CUL9: variants seen among roughly 807,000 people sequenced by gnomAD.
CUL9 encodes cullin-9.
In CUL9, 79 loss-of-function variants were observed where a neutral mutation model predicts 272.6. The ratio of observed to expected loss-of-function variants is 0.29; its 90% CI spans 0.24 to 0.35. The LOEUF (loss-of-function observed/expected upper bound fraction) is 0.35. Among genes scored for constraint, CUL9 ranks in the 10% least tolerant of loss-of-function variants. CUL9 has a pLI of 1.00. For missense variants in CUL9, 2,532 were observed against 3,255.6 expected (o/e 0.78, Z 5.41); for synonymous variants, 1,186 against 1,286.5 (o/e 0.92, Z 1.67).
At position 43,205,277 on chromosome 6, in the gene CUL9, T is replaced by A. The variant is rs764168604; in HGVS notation, c.4647T>A (p.Phe1549Leu). Residue 1549 changes from phenylalanine (F) to leucine (L), a missense_variant, in exon 24 of 41, where the codon TTT (phenylalanine) becomes TTA (leucine). Phe to Leu is a conservative substitution (Grantham distance 22, BLOSUM62 0). Around this residue, in one of 3 missense-constraint regions of CUL9, gnomAD observed 2,218 missense variants for 2,788.6 expected, o/e 0.80. Transcript: ENST00000252050. ...CCTGCCCCCAGATGAGTGAGCAGTTTGCCAGGTACATTGACCAACAGATCC... is the reference window on the plus strand; with the variant it reads ...CCTGCCCCCAGATGAGTGAGCAGTTAGCCAGGTACATTGACCAACAGATCC... ...FLTAAHMSEQ[F>L]ARYIDQQIQG... is the part of the protein sequence containing the mutation. 1.2e-6 allele frequency: 2 copies of A among 1,613,784 alleles called. No homozygotes were observed. The highest frequency in any genetic ancestry group is 2.2e-5 in the South Asian group (2 of 91,088).
chr6:43,196,322 C>A, intron 10 of CUL9, 57 bp downstream of exon 10: 1 of 1,506,824 alleles, frequency 6.6e-7, no homozygotes, highest in South Asian at 1.2e-5. Flanking sequence ...CCCTGCTACT[C>A]CTGTGCTCCA....
intron 1 of CUL9, among the ~76,000 whole-genome samples, chr6:43,182,716 C>T (rs1772517120): frequency 6.6e-6 from 1 of 151,942 alleles, no homozygotes; most frequent in African/African-American, 2.4e-5. Context: ...CATCTTTCTC[C>T]CTCCTCTTCA....
intron 26 of CUL9, among the ~76,000 whole-genome samples, chr6:43,207,610 CTAT>C (rs1254386166): frequency 6.6e-6 from 1 of 151,854 alleles, no homozygotes; most frequent in Non-Finnish European, 1.5e-5. Flanking sequence ...TGTTAAATTT[CTAT>C]TATTATTTCT....
intron 24 of CUL9, among the ~76,000 whole-genome samples, 178 bp from the exon 25 acceptor site, chr6:43,205,829 C>CAA (rs752924474): frequency 2.5e-4 from 20 of 80,080 alleles, no homozygotes; most frequent in South Asian, 7.7e-4. Flanking sequence ...GACTCCGTCT[C>CAA]AAAAAAAAAA....
rs938600381 is a variant in CUL9, at chr6:43,218,366, G to A, written c.6282+1863G>A. ...CGAGTAGCTGGGACTATAGGCGCCC[G>A]CCACCGCGCCCGGCTAATTTTTTGC... is the stretch of plus-strand genomic sequence containing the variant. On this transcript the variant is annotated intron_variant, in intron 31 of 40. Transcript: ENST00000252050. The surrounding 1 kb of genome is among the most constrained non-coding windows in gnomAD (Gnocchi z 4.4). 6.6e-5 allele frequency among the ~76,000 whole-genome samples: 10 copies of A among 151,976 alleles called. No individual in the cohort carries two copies. The highest frequency in any genetic ancestry group is 1.9e-4 in the East Asian group (1 of 5,180).
intron 1 of CUL9, among the ~76,000 whole-genome samples, chr6:43,182,836 C>T (rs905410601): frequency 6.6e-6 from 1 of 152,180 alleles, no homozygotes; most frequent in African/African-American, 2.4e-5. Flanking sequence ...TTCCCTGTTG[C>T]CCCTGCACTG....
rs566173348 is a variant in CUL9 at position 43,199,502 on chromosome 6, G to A, written c.3156+131G>A. ...GGGCACTGGGATGGGTGTAGGAGGA[G>A]GAAGGGTAATGTAATCTAAGAATCT... On this transcript the variant is annotated intron_variant, in intron 13 of 40. Coordinates refer to ENST00000252050, the MANE Select transcript of CUL9 (RefSeq NM_015089.4). This position sits in a 1 kb window ranked among gnomAD's most constrained non-coding sequence, Gnocchi z 4.4. 2 of 670,678 alleles carry A rather than the reference G, an allele frequency of 3.0e-6. No individual in the cohort carries two copies. The highest frequency in any genetic ancestry group is 5.3e-5 in the East Asian group (2 of 37,766). 41.5% of individuals were successfully genotyped at this position (670,678 alleles called of 1,614,324 possible).
At chr6:43,182,764 A>G (rs1476587981) in intron 1 of CUL9, among the ~76,000 whole-genome samples, 1 of 151,518 alleles carries the variant, frequency 6.6e-6, no homozygotes, top group Non-Finnish European at 1.5e-5. Context: ...CCCCAACATG[A>G]CCCCTGCCCT....
intron 1 of CUL9, among the ~76,000 whole-genome samples, chr6:43,183,492 C>T (rs146362501): frequency 3.9e-5 from 6 of 152,280 alleles, no homozygotes; most frequent in Non-Finnish European, 5.9e-5. Context: ...CCTGCCCCTC[C>T]GCTATCCTAC....
Position 43,184,379 on chromosome 6 carries a change from A to C in CUL9, c.69A>C (p.Glu23Asp). Residue 23 changes from glutamate to aspartate, a missense_variant, in exon 2 of 41, where the codon GAA (glutamate) becomes GAC (aspartate). By Grantham distance (45) the Glu-to-Asp change is conservative. This residue lies in a region of CUL9 where 2,218 missense variants were observed against 2,788.6 expected (regional missense o/e 0.80). Transcript: ENST00000252050. The surrounding 1 kb of genome is among the most constrained non-coding windows in gnomAD (Gnocchi z 4.8). ...PLGPRLQAYPEELIRQRPGHD... is the reference protein window; with the variant it reads ...PLGPRLQAYPDELIRQRPGHD... ...GGCCTCGGCTGCAGGCATATCCTGA[A>C]GAACTCATTCGACAGAGGCCTGGGC... 1 of 1,609,508 alleles carries C rather than the reference A, an allele frequency of 6.2e-7. No individual in the cohort carries two copies. The highest frequency in any genetic ancestry group is 8.5e-7 in the Non-Finnish European group (1 of 1,177,010).
In CUL9 at chr6:43,200,066, C is replaced by T. The variant is rs752914976; in HGVS notation, c.3294C>T (p.Gly1098=). ...LDKHSAQLLL[G]CELRDLVTEC... ...AGCACTCAGCTCAGCTGCTGCTGGG[C>T]TGTGAGCTTCGGGACCTGGTGACAG... The change falls in exon 14 of 41, where the codon GGC becomes GGT. Residue 1098 remains glycine (G), a synonymous_variant. Transcript: ENST00000252050. The surrounding 1 kb of genome is among the most constrained non-coding windows in gnomAD (Gnocchi z 4.0). The T allele has an allele frequency of 1.2e-6, 2 of 1,614,232 alleles. No individual in the cohort carries two copies. Among genetic ancestry groups the T allele is most frequent in the Admixed American group, 1.7e-5 (1 of 60,022 alleles).
At chr6:43,183,493 G>T (rs191289259) in intron 1 of CUL9, among the ~76,000 whole-genome samples, 2 of 152,036 alleles carry the variant, frequency 1.3e-5, no homozygotes, top group Admixed American at 6.6e-5. Flanking sequence ...CTGCCCCTCC[G>T]CTATCCTACT....
chr6:43,216,629 C>G (rs1400676505), intron 31 of CUL9, 126 bp downstream of exon 31: 1 of 865,624 alleles, frequency 1.2e-6, no homozygotes, highest in Non-Finnish European at 1.8e-6. Flanking sequence ...TGGATTTAGT[C>G]TCTTAGTCCT....
At position 43,204,621 on chromosome 6, in the gene CUL9, C is replaced by G. The variant is rs888133643; in HGVS notation, c.4339+82C>G. On this transcript the variant is annotated intron_variant, in intron 21 of 40. Transcript: ENST00000252050. Reference sequence around the variant, plus strand: ...CCCTCCTCCCTGGGTCTTACTCTTGCTGCTTTGCTACCGGCCTTTCCAGGC... The same window carrying G: ...CCCTCCTCCCTGGGTCTTACTCTTGGTGCTTTGCTACCGGCCTTTCCAGGC... 1.1e-5 allele frequency: 18 copies of G among 1,589,578 alleles called. No individual in the cohort carries two copies. In the South Asian group the frequency reaches 1.7e-4, roughly 15 times the overall value.
intron 26 of CUL9, among the ~76,000 whole-genome samples, chr6:43,208,398 G>T (rs1421331650): frequency 6.6e-6 from 1 of 152,126 alleles, no homozygotes; most frequent in Non-Finnish European, 1.5e-5. Context: ...TAAAGACGAG[G>T]TTTCACCATG....
In CUL9 at chr6:43,199,722, T is replaced by A. The variant is rs1421404954; in HGVS notation, c.3157-207T>A. Among the ~76,000 whole-genome samples the A allele has an allele frequency of 6.6e-6, 1 of 152,188 alleles. No individual in the cohort carries two copies. The highest frequency in any genetic ancestry group is 2.4e-5 in the African/African-American group (1 of 41,456). ...GGGCAGGAAGCAGCCTGGAAAGCTGTGCCCAAGCTCTGTTCTGCCAACTCA... is the reference window on the plus strand; with the variant it reads ...GGGCAGGAAGCAGCCTGGAAAGCTGAGCCCAAGCTCTGTTCTGCCAACTCA... On this transcript the variant is annotated intron_variant, in intron 13 of 40. Coordinates refer to ENST00000252050, the MANE Select transcript of CUL9 (RefSeq NM_015089.4). This position sits in a 1 kb window ranked among gnomAD's most constrained non-coding sequence, Gnocchi z 4.4.
Position 43,199,137 on chromosome 6 carries a change from T to G in CUL9, c.3051-129T>G, listed in dbSNP as rs1200386044. The stretch of plus-strand genomic sequence containing the variant: ...TTTTAGTAGAGATGGGGTTTCTCCA[T>G]TTTGGTCAGGCTGGTCTCGAACTCC... On this transcript the variant is annotated intron_variant, in intron 12 of 40. Transcript: ENST00000252050. This position sits in a 1 kb window ranked among gnomAD's most constrained non-coding sequence, Gnocchi z 4.4. 4.9e-6 allele frequency: 4 copies of G among 811,588 alleles called. No homozygotes were observed. The highest frequency in any genetic ancestry group is 8.1e-6 in the Non-Finnish European group (4 of 494,146). 50.3% of individuals were successfully genotyped at this position (811,588 alleles called of 1,614,324 possible). A position where few individuals can be genotyped will look rare whatever the true frequency, so the allele number is the denominator to read the frequency against.
chr6:43,199,883 C>T lies in CUL9; in HGVS notation c.3157-46C>T. On this transcript the variant is annotated intron_variant, in intron 13 of 40. Coordinates refer to ENST00000252050, the MANE Select transcript of CUL9 (RefSeq NM_015089.4). The surrounding 1 kb of genome is among the most constrained non-coding windows in gnomAD (Gnocchi z 4.4). Reference sequence around the variant, plus strand: ...ACCCTCTCCTCAATCCTTACATGTCCTACCTCTTGTTTCCTGTAAATTAAT... The same window carrying T: ...ACCCTCTCCTCAATCCTTACATGTCTTACCTCTTGTTTCCTGTAAATTAAT... The T allele has an allele frequency of 6.8e-7, 1 of 1,473,300 alleles. No individual in the cohort carries two copies. Among genetic ancestry groups the T allele is most frequent in the Non-Finnish European group, 9.5e-7 (1 of 1,053,298 alleles). 91.3% of individuals were successfully genotyped at this position (1,473,300 alleles called of 1,614,324 possible).
rs775212765 is a variant in CUL9 at position 43,221,804 on chromosome 6, G to C, written c.6846+26G>C. 9 of 1,601,266 alleles carry C rather than the reference G, an allele frequency of 5.6e-6. No homozygotes were observed. The highest frequency in any genetic ancestry group is 7.7e-6 in the Non-Finnish European group (9 of 1,174,398). On this transcript the variant is annotated intron_variant, in intron 35 of 40. Transcript: ENST00000252050. The surrounding 1 kb of genome is among the most constrained non-coding windows in gnomAD (Gnocchi z 4.2). ...GTAAGGCGCTGGGCACTAGGGGAGG[G>C]CAGAGGCCCAGAGCCGTCGGGGAGG...
Sources: allele counts gnomAD v4.1 joint callset (sites outside exome capture counted in the v4.1 genomes callset), GRCh38; gene constraint gnomAD v4.1.1; regional missense constraint gnomAD v4.1.1; non-coding constraint Gnocchi (gnomAD v3.1); transcripts MANE v1.5; gene names NCBI Gene and HGNC (gene_info 2026-07-23, HGNC 2026-07-21).